The following MEAK7 variants were observed in gnomAD, a reference collection of about 807,000 sequenced individuals.
MEAK7 encodes the protein MTOR associated protein MEAK7, also known as MTOR-associated protein MEAK7.
MEAK7 carries 68 observed loss-of-function variants against 40.5 expected under a neutral mutation model. The observed-to-expected ratio is 1.68, with a 90% CI of 1.38 to 2.06. MEAK7 has a LOEUF of 2.06. Among genes scored for constraint, MEAK7 ranks in the 30% most tolerant of loss-of-function variants. The pLI, the probability that MEAK7 is intolerant of heterozygous loss-of-function variation, is 0.00. For synonymous variants in MEAK7, 338 were observed against 231.9 expected (o/e 1.46, Z -4.16); for missense variants, 918 against 580.5 (o/e 1.58, Z -5.98).
In MEAK7 at chr16:84,479,444, TTCCCTAATGCCAGCGGAATTCCCTAATGC is replaced by T. The variant is rs1567482578; in HGVS notation, c.*440_*468del. 2 of 130,732 alleles carry T rather than the reference TTCCCTAATGCCAGCGGAATTCCCTAATGC, an allele frequency of 1.5e-5. No homozygotes were observed. The highest frequency in any genetic ancestry group is 3.3e-5 in the Non-Finnish European group (2 of 61,384). The allele number at this position is 130,732 out of a possible 1,614,324, so 8.1% of individuals were successfully genotyped here. A position where few individuals can be genotyped will look rare whatever the true frequency, so the allele number is the denominator to read the frequency against. ...GCGGAATTCCCTAATGCCAGCGGAA[TTCCCTAATGCCAGCGGAATTCCCTAATGC>T]CAGCGGAATTCCCTAATGCCAGCGG... On this transcript the variant is annotated 3_prime_UTR_variant, in exon 8 of 8. Transcript: ENST00000343629.
chr16:84,490,443 C>CTTTTTT (rs770073812), intron 3 of MEAK7, among the ~76,000 whole-genome samples: 2 of 93,872 alleles, frequency 2.1e-5, no homozygotes, highest in African/African-American at 1.1e-4. Flanking sequence ...TCTGCCCCGC[C>CTTTTTT]TTTTTTTTTT....
In MEAK7 at chr16:84,486,127, G is replaced by C. The variant is rs1913032913; in HGVS notation, c.958+504C>G. The C allele has an allele frequency of 9.1e-5, 14 of 153,534 alleles. 1 individual carries two copies. The highest frequency in any genetic ancestry group is 9.0e-4 in the Admixed American group (14 of 15,520). The allele number at this position is 153,534 out of a possible 1,614,324, so 9.5% of individuals were successfully genotyped here. On this transcript the variant is annotated intron_variant, in intron 5 of 7. Transcript: ENST00000343629. ...AGGTGTGAGCCACTGCACCTGGCCTGTGTTTTAAATATTTTTAAAGGACTC... is the reference window on the plus strand; with the variant it reads ...AGGTGTGAGCCACTGCACCTGGCCTCTGTTTTAAATATTTTTAAAGGACTC...
chr16:84,481,667 C>T (rs1912557072), intron 6 of MEAK7, among the ~76,000 whole-genome samples: 1 of 152,206 alleles, frequency 6.6e-6, no homozygotes. Flanking sequence ...GGCGCAGTGG[C>T]TCACGCCTGT....
In MEAK7 at chr16:84,498,126, G is replaced by C. The variant is rs747915323; in HGVS notation, c.-25-15C>G. 8 of 1,545,396 alleles carry C rather than the reference G, an allele frequency of 5.2e-6. No homozygotes were observed. The highest frequency in any genetic ancestry group is 1.4e-5 in the African/African-American group (1 of 72,276). On this transcript the variant is annotated splice_polypyrimidine_tract_variant and intron_variant, in intron 1 of 7. Transcript: ENST00000343629. ...GGCAGAATTCTCTGCAGAAGGAAAAGACACAACATTAGAAAAATCAAAATT... is the reference window on the plus strand; with the variant it reads ...GGCAGAATTCTCTGCAGAAGGAAAACACACAACATTAGAAAAATCAAAATT...
chr16:84,495,989 G>T, intron 2 of MEAK7, 76 bp from the exon 3 acceptor site: 1 of 1,512,116 alleles, frequency 6.6e-7, no homozygotes, highest in Non-Finnish European at 9.0e-7. Context: ...ATTATTTTAG[G>T]CAGATAGAGA....
Position 84,487,052 on chromosome 16 carries a change from C to A in MEAK7, c.537G>T (p.Lys179Asn), listed in dbSNP as rs765793507. ...CCAGCCACTGGGGCCCCAGAAGTCT[C>A]TTGCCATCTAGGGGAAGGGGATGGT... Reference protein sequence around the residue: ...LLSDMKLQDGKRLLGPQWLDY... With the variant: ...LLSDMKLQDGNRLLGPQWLDY... The change falls in exon 5 of 8, where the codon AAG (lysine) becomes AAT (asparagine). Residue 179 changes from lysine (K) to asparagine (N), a missense_variant. Transcript: ENST00000343629. 1.2e-6 allele frequency: 2 copies of A among 1,610,630 alleles called. No individual in the cohort carries two copies. Among genetic ancestry groups the A allele is most frequent in the African/African-American group, 2.7e-5 (2 of 74,814 alleles).
Position 84,486,859 on chromosome 16 carries a change from T to C in MEAK7, c.730A>G (p.Ser244Gly). The change falls in exon 5 of 8, where the codon AGC (serine) becomes GGC (glycine). Residue 244 changes from serine to glycine, a missense_variant. Ser to Gly is a moderately conservative substitution (Grantham distance 56). Transcript: ENST00000343629. Reference sequence around the variant, plus strand: ...ATGACAGAGAGGACATCCAGGATGCTCTCAAAACCCCTGCCCTGGTCCACT... The same window carrying C: ...ATGACAGAGAGGACATCCAGGATGCCCTCAAAACCCCTGCCCTGGTCCACT... ...RQVDQGRGFE[S>G]ILDVLSVMYI... 2 of 1,614,032 alleles carry C rather than the reference T, an allele frequency of 1.2e-6. No individual in the cohort carries two copies. Among genetic ancestry groups the C allele is most frequent in the Non-Finnish European group, 1.7e-6 (2 of 1,180,010 alleles).
intron 2 of MEAK7, chr16:84,497,599 T>C (rs1416954331): frequency 3.0e-6 from 4 of 1,321,056 alleles, no homozygotes; most frequent in Admixed American, 2.2e-5. Context: ...AAGTTAGAAA[T>C]GTCCCCAAAT....
intron 5 of MEAK7, among the ~76,000 whole-genome samples, chr16:84,484,606 C>G (rs1414060603): frequency 6.6e-6 from 1 of 152,194 alleles, no homozygotes; most frequent in Non-Finnish European, 1.5e-5. Context: ...AAAAGGTTTA[C>G]GAAGCCACAT....
Position 84,486,886 on chromosome 16 carries a change from G to T in MEAK7, c.703C>A (p.Gln235Lys). ...LDLTTLVPERQVDQGRGFESI... is the reference protein window; with the variant it reads ...LDLTTLVPERKVDQGRGFESI... Reference sequence around the variant, plus strand: ...TCAAAACCCCTGCCCTGGTCCACTTGACGCTCAGGGACCAGGGTAGTCAGA... The same window carrying T: ...TCAAAACCCCTGCCCTGGTCCACTTTACGCTCAGGGACCAGGGTAGTCAGA... The change falls in exon 5 of 8, where the codon CAA becomes AAA. Residue 235 changes from glutamine (Q) to lysine (K), a missense_variant. By Grantham distance (53) the Gln-to-Lys change is moderately conservative (BLOSUM62 1). Transcript: ENST00000343629. 1 of 1,614,166 alleles carries T rather than the reference G, an allele frequency of 6.2e-7. No homozygotes were observed. Among genetic ancestry groups the T allele is most frequent in the Admixed American group, 1.7e-5 (1 of 60,030 alleles).
intron 1 of MEAK7, among the ~76,000 whole-genome samples, chr16:84,501,875 T>C (rs1228659409): frequency 1.3e-5 from 2 of 152,176 alleles, no homozygotes; most frequent in Non-Finnish European, 2.9e-5. Flanking sequence ...AATGGTGTGG[T>C]GGCTCACGCC....
intron 1 of MEAK7, 128 bp downstream of exon 1, chr16:84,504,473 A>G (rs2617862): frequency 0.64 from 318,957 of 500,570 alleles, 105,836 homozygotes; most frequent in Non-Finnish European, 0.69. Flanking sequence ...CGAGGGCCTG[A>G]AGAGGCGTGG....
chr16:84,497,881 G>T (rs1410549022), intron 2 of MEAK7, 53 bp downstream of exon 2: 2 of 1,608,466 alleles, frequency 1.2e-6, no homozygotes, highest in African/African-American at 1.3e-5. Flanking sequence ...GAAAGCCACA[G>T]TTTGCAGACC....
intron 3 of MEAK7, 99 bp downstream of exon 3, chr16:84,495,584 G>A (rs923843841): frequency 8.3e-6 from 9 of 1,081,524 alleles, no homozygotes; most frequent in Non-Finnish European, 1.1e-5. Flanking sequence ...AATACTTTTT[G>A]GTTTACTCCT....
chr16:84,483,503 G>A (rs958885184), intron 5 of MEAK7, among the ~76,000 whole-genome samples: 1 of 152,238 alleles, frequency 6.6e-6, no homozygotes, highest in Non-Finnish European at 1.5e-5. Flanking sequence ...CAAGCTCATG[G>A]GAATTTGGGG....
chr16:84,477,466 C>G lies in MEAK7; in HGVS notation c.*2447G>C, dbSNP rs889991992. 6.6e-6 allele frequency: 1 copy of G among 152,124 alleles called. No individual in the cohort carries two copies. Among genetic ancestry groups the G allele is most frequent in the Admixed American group, 6.6e-5 (1 of 15,260 alleles). 9.4% of individuals were successfully genotyped at this position (152,124 alleles called of 1,614,324 possible). A position where few individuals can be genotyped will look rare whatever the true frequency, so the allele number is the denominator to read the frequency against. ...TCGGCCTCCCAAAGTGCTGGGATTA[C>G]AGGCGTGAGCCACCGCACCCGGCCC... On this transcript the variant is annotated 3_prime_UTR_variant, in exon 8 of 8. Coordinates refer to ENST00000343629, the MANE Select transcript of MEAK7 (RefSeq NM_020947.4).
chr16:84,488,409 G>C (rs1913279545), intron 4 of MEAK7: 1 of 147,424 alleles, frequency 6.8e-6, no homozygotes. Flanking sequence ...GCTTTGCAAA[G>C]TGATTTGCCA....
At position 84,480,707 on chromosome 16, in the gene MEAK7, C is replaced by A; in HGVS notation, c.1079G>T (p.Gly360Val). The change falls in exon 7 of 8, where the codon GGT becomes GTT. Residue 360 changes from glycine (G) to valine (V), a missense_variant and splice_region_variant. Transcript: ENST00000343629. ...AAAGTAATTGTGCTGCCCCCCCATA[C>A]CCTGCAAAGGAAGCCAGGACAGAGA... ...HGQQTIPNGL[G>V]MGGQHNYFGL... 1.2e-6 allele frequency: 2 copies of A among 1,610,482 alleles called. No individual in the cohort carries two copies. Among genetic ancestry groups the A allele is most frequent in the Non-Finnish European group, 1.7e-6 (2 of 1,178,180 alleles).
chr16:84,493,062 T>C (rs750464680), intron 3 of MEAK7, among the ~76,000 whole-genome samples: 1 of 152,236 alleles, frequency 6.6e-6, no homozygotes, highest in Non-Finnish European at 1.5e-5. Flanking sequence ...TGAAATGGTG[T>C]TTAACCATCT....
Sources: gnomAD v4.1 joint callset for allele counts (sites outside exome capture counted in the v4.1 genomes callset) on GRCh38, gnomAD v4.1.1 for gene constraint, MANE v1.5 for transcripts, NCBI Gene and HGNC (gene_info 2026-07-23, HGNC 2026-07-21) for gene names.